The following TJP2 variants were observed in gnomAD, a reference collection of about 807,000 sequenced individuals.
TJP2 encodes the protein Friedreich ataxia region gene X104 (tight junction protein ZO-2).
In TJP2, 91 loss-of-function variants were observed where a neutral mutation model predicts 133.1. That is an observed-to-expected ratio of 0.68 (90% CI 0.58 to 0.81). TJP2 has a LOEUF of 0.81. Among genes scored for constraint, TJP2 ranks in the 40% least tolerant of loss-of-function variants. The pLI is 0.00. For synonymous variants in TJP2, 592 were observed against 583.4 expected, an observed-to-expected ratio of 1.01 and a Z score of -0.21; for missense variants, 1,541 against 1,565.6, an observed-to-expected ratio of 0.98 and a Z score of 0.26.
intron 2 of TJP2, among the ~76,000 whole-genome samples, chr9:69,160,069 TA>T (rs1823990979): frequency 6.6e-6 from 1 of 151,862 alleles, no homozygotes; most frequent in Admixed American, 6.6e-5. Context: ...AGAAGATATG[TA>T]AAAAATAAAG....
rs1831591457 is a variant in TJP2, at chr9:69,254,894, A to G, written c.*520A>G. 5.1e-6 allele frequency: 2 copies of G among 392,014 alleles called. No individual in the cohort carries two copies. The highest frequency in any genetic ancestry group is 4.0e-5 in the Admixed American group (1 of 24,814). The allele number at this position is 392,014 out of a possible 1,614,324, so 24.3% of individuals were successfully genotyped here. On this transcript the variant is annotated 3_prime_UTR_variant, in exon 23 of 23. Transcript: ENST00000377245. ...GCTTTAGGCAGAGCCATAATGGACT[A>G]AAACATTTTGACTAAGTTTTTATAC...
intron 2 of TJP2, among the ~76,000 whole-genome samples, chr9:69,152,369 C>G (rs901295313): frequency 6.6e-6 from 1 of 152,072 alleles, no homozygotes; most frequent in Non-Finnish European, 1.5e-5. Context: ...ACACTTTGAC[C>G]TCTGTTTATA....
Position 69,216,461 on chromosome 9 carries a change from C to G in TJP2, c.237C>G (p.Leu79=). 6.2e-7 allele frequency: 1 copy of G among 1,614,038 alleles called. No homozygotes were observed. Among genetic ancestry groups the G allele is most frequent in the Non-Finnish European group, 8.5e-7 (1 of 1,180,022 alleles). The stretch of plus-strand genomic sequence containing the variant: ...CGGGTGGGCCTGCTGATGGGCTGCT[C>G]CAGTGAGTGTCCTCCCTCGCTCCGC... ...VLPGGPADGL[L]QENDRVVMVN... is the part of the protein sequence containing the mutation. The change falls in exon 3 of 23, where the codon CTC becomes CTG. Residue 79 remains leucine, a splice_region_variant and synonymous_variant. Coordinates refer to ENST00000377245, the MANE Select transcript of TJP2 (RefSeq NM_004817.4).
At chr9:69,143,554 C>G (rs773834666) in intron 1 of TJP2, among the ~76,000 whole-genome samples, 1 of 152,204 alleles carries the variant, frequency 6.6e-6, no homozygotes, top group Non-Finnish European at 1.5e-5. Context: ...CTGGGACTAA[C>G]TGGTACTAAT....
chr9:69,173,690 C>T (rs1324656262), upstream of TJP2, among the ~76,000 whole-genome samples: 1 of 152,184 alleles, frequency 6.6e-6, no homozygotes, highest in Non-Finnish European at 1.5e-5. Flanking sequence ...GGCCTCTAGA[C>T]AGGACCTAAA....
chr9:69,179,113 A>T (rs1168992663), intron 1 of TJP2, among the ~76,000 whole-genome samples: 1 of 152,242 alleles, frequency 6.6e-6, no homozygotes, highest in Non-Finnish European at 1.5e-5. Context: ...TGGCAGGCGA[A>T]TGAATCAAGG....
At chr9:69,125,143 G>A (rs1587863997) in intron 1 of TJP2, among the ~76,000 whole-genome samples, 1 of 72,644 alleles carries the variant, frequency 1.4e-5, no homozygotes, top group African/African-American at 4.3e-5. Flanking sequence ...AGTAGAGATG[G>A]GGTTTCTCCA....
At chr9:69,137,242 TCTCTC>T (rs1822778822) in intron 1 of TJP2, among the ~76,000 whole-genome samples, 7 of 26,154 alleles carry the variant, frequency 2.7e-4, no homozygotes, top group Non-Finnish European at 4.1e-4. Flanking sequence ...TCTTTCTTTC[TCTCTC>T]TCTTTCTTTC....
Position 69,240,101 on chromosome 9 carries a change from TG to T in TJP2, c.2521del (p.Asp841IlefsTer20). On this transcript the variant is annotated frameshift_variant, in exon 17 of 23. Coordinates refer to ENST00000377245, the MANE Select transcript of TJP2 (RefSeq NM_004817.4). LOFTEE classifies it high-confidence loss of function. ...CCAACAAAAGTTCTCGAAAGTTATTTGATCAAGCCAACAAGCTTAAAAAAAC... is the reference window on the plus strand; with the variant it reads ...CCAACAAAAGTTCTCGAAAGTTATTTATCAAGCCAACAAGCTTAAAAAAAC... ...TSNKSSRKLF[D>X]QANKLKKTCA... 1 of 1,614,132 alleles carries T rather than the reference TG, an allele frequency of 6.2e-7. No homozygotes were observed. Among genetic ancestry groups the T allele is most frequent in the Non-Finnish European group, 8.5e-7 (1 of 1,180,016 alleles).
Position 69,229,496 on chromosome 9 carries a change from C to T in TJP2, c.1520+246C>T, listed in dbSNP as rs148930797. Among the ~76,000 whole-genome samples, 894 of 152,264 alleles carry T rather than the reference C, an allele frequency of 5.9e-3. 28 individuals are homozygous for T. The highest frequency in any genetic ancestry group is 0.052 in the Admixed American group (790 of 15,288). ...TTACCTACCTATCTAGCTACCTTTC[C>T]AGAGTGTTACTCTGAATATTTGCGT... On this transcript the variant is annotated intron_variant, in intron 10 of 22. Coordinates refer to ENST00000377245, the MANE Select transcript of TJP2 (RefSeq NM_004817.4).
At position 69,239,544 on chromosome 9, in the gene TJP2, C is replaced by T. The variant is rs561897496; in HGVS notation, c.2356-393C>T. Among the ~76,000 whole-genome samples, 4 of 152,306 alleles carry T rather than the reference C, an allele frequency of 2.6e-5. No individual in the cohort carries two copies. The South Asian group carries it at 8.3e-4, about 32-fold the overall frequency. Reference sequence around the variant, plus strand: ...TGATTTAAATTTACAAGATAGGTGGCTCATGCCTGTAATCCCAGCACTTTG... The same window carrying T: ...TGATTTAAATTTACAAGATAGGTGGTTCATGCCTGTAATCCCAGCACTTTG... On this transcript the variant is annotated intron_variant, in intron 16 of 22. Coordinates refer to ENST00000377245, the MANE Select transcript of TJP2 (RefSeq NM_004817.4).
rs888655193 is a variant in TJP2 at position 69,205,315 on chromosome 9, G to A, written c.61-7233G>A. On this transcript the variant is annotated intron_variant, in intron 1 of 22. Transcript: ENST00000377245. ...GGAGGGAAGCAAAACCATTCTCACA[G>A]TGAGTCCTTTATCCTCAGATTGATT... The A allele has an allele frequency of 3.9e-6, 6 of 1,534,412 alleles. No homozygotes were observed. The African/African-American group carries it at 8.2e-5, about 21-fold the overall frequency.
At chr9:69,254,069 C>T (rs1831531541) in intron 22 of TJP2, 140 bp from the exon 23 acceptor site, 1 of 985,266 alleles carries the variant, frequency 1.0e-6, no homozygotes, top group Non-Finnish European at 1.6e-6. Flanking sequence ...CAGGGATGCC[C>T]TGGTTGCTCT....
At chr9:69,237,699 T>G (rs1830292807) in intron 14 of TJP2, among the ~76,000 whole-genome samples, 179 bp from the exon 15 acceptor site, 1 of 152,060 alleles carries the variant, frequency 6.6e-6, no homozygotes, top group African/African-American at 2.4e-5. Context: ...AGAAAAAAAT[T>G]GTTTTAAATG....
At chr9:69,249,298 ACTC>A in intron 19 of TJP2, 74 bp from the exon 20 acceptor site, 10 of 1,547,842 alleles carry the variant, frequency 6.5e-6, no homozygotes, top group Non-Finnish European at 8.7e-6. Context: ...AGTTTGCAGA[ACTC>A]CTCCAAAGCA....
At chr9:69,238,004 A>G in intron 15 of TJP2, 31 bp downstream of exon 15, 2 of 1,553,728 alleles carry the variant, frequency 1.3e-6, no homozygotes. Context: ...TTTTCCCCCA[A>G]ATTTTTATTT....
At chr9:69,176,107 T>G (rs76198906) in intron 1 of TJP2, among the ~76,000 whole-genome samples, 1 of 152,134 alleles carries the variant, frequency 6.6e-6, no homozygotes, top group South Asian at 2.1e-4. Context: ...ATGCACACTC[T>G]GCAATACAGA....
chr9:69,246,902 G>A, intron 18 of TJP2, 112 bp downstream of exon 18: 1 of 959,810 alleles, frequency 1.0e-6, no homozygotes, highest in South Asian at 1.3e-5. Flanking sequence ...GCTCACATGT[G>A]TGCTAATCAA....
chr9:69,181,439 G>A (rs1262936264), intron 1 of TJP2, among the ~76,000 whole-genome samples: 2 of 151,958 alleles, frequency 1.3e-5, no homozygotes, highest in African/African-American at 2.4e-5. Context: ...TGGTAGAGAC[G>A]GGGCTTCACC....
Sources: gnomAD v4.1 joint callset for allele counts (sites outside exome capture counted in the v4.1 genomes callset) on GRCh38, gnomAD v4.1.1 for gene constraint, MANE v1.5 for transcripts, NCBI Gene and HGNC (gene_info 2026-07-23, HGNC 2026-07-21) for gene names.